The following HERC4 variants were observed in gnomAD, a reference collection of about 807,000 sequenced individuals.
HERC4 encodes the protein probable E3 ubiquitin-protein ligase HERC4.
HERC4 carries 28 observed loss-of-function variants against 124.3 expected under a neutral mutation model. That is an observed-to-expected ratio of 0.23 (90% CI 0.17 to 0.31). The LOEUF (loss-of-function observed/expected upper bound fraction) is 0.31. HERC4 is among the 10% of genes least tolerant of loss of function. The pLI is 1.00. For synonymous variants in HERC4, 407 were observed against 421.5 expected, an observed-to-expected ratio of 0.97 and a Z score of 0.42; for missense variants, 713 against 1,229.3, an observed-to-expected ratio of 0.58 and a Z score of 6.28.
At chr10:67,939,694 T>C (rs748103470) in intron 20 of HERC4, 40 bp from the exon 21 acceptor site, 3 of 1,224,226 alleles carry the variant, frequency 2.5e-6, no homozygotes, top group Non-Finnish European at 3.5e-6. Context: ...GAAAAAATTA[T>C]TGGATATTTT....
chr10:67,942,730 C>T (rs543389352), intron 19 of HERC4, among the ~76,000 whole-genome samples: 3 of 152,184 alleles, frequency 2.0e-5, no homozygotes, highest in African/African-American at 4.8e-5. Context: ...AGGCTGGTCT[C>T]GAACCCCTGA....
intron 23 of HERC4, among the ~76,000 whole-genome samples, chr10:67,926,181 GGTCAGGA>G (rs2030916975): frequency 6.6e-6 from 1 of 152,166 alleles, no homozygotes; most frequent in African/African-American, 2.4e-5. Context: ...GATCACTTGA[GGTCAGGA>G]GTTCCAGACC....
chr10:67,932,120 G>A (rs1196434288), intron 23 of HERC4, among the ~76,000 whole-genome samples: 3 of 151,786 alleles, frequency 2.0e-5, no homozygotes, highest in Non-Finnish European at 2.9e-5. Flanking sequence ...ACCACACCCA[G>A]CTAATTTTTG....
intron 5 of HERC4, among the ~76,000 whole-genome samples, chr10:68,034,430 G>A (rs773514616): frequency 3.3e-5 from 5 of 151,998 alleles, no homozygotes; most frequent in Admixed American, 6.6e-5. Flanking sequence ...CAGATGAACC[G>A]GTGAATCACA....
intron 23 of HERC4, among the ~76,000 whole-genome samples, chr10:67,926,427 A>AC (rs1414312774): frequency 6.7e-6 from 1 of 149,740 alleles, no homozygotes; most frequent in African/African-American, 2.4e-5. Context: ...AAAAAAAAAA[A>AC]AAAACAAAAA....
chr10:67,967,060 T>C lies in HERC4; in HGVS notation c.1807-258A>G, dbSNP rs10997891. On this transcript the variant is annotated intron_variant, in intron 15 of 24. Coordinates refer to ENST00000373700, the MANE Select transcript of HERC4 (RefSeq NM_015601.4). The stretch of plus-strand genomic sequence containing the variant: ...TAGTAGAGACGGAGTTTCATCGTGT[T>C]AGCCAGGATGGTCTCGATCTCCTGA... Among the ~76,000 whole-genome samples the C allele has an allele frequency of 7.2e-5, 11 of 152,300 alleles. No homozygotes were observed. In the South Asian group the frequency reaches 1.5e-3, roughly 20 times the overall value.
At chr10:67,976,637 A>G (rs1187448450) in intron 15 of HERC4, among the ~76,000 whole-genome samples, 2 of 152,080 alleles carry the variant, frequency 1.3e-5, no homozygotes, top group African/African-American at 4.8e-5. Context: ...TCAACTTCAT[A>G]TTGCTGAAAA....
chr10:68,014,171 A>G lies in HERC4; in HGVS notation c.924T>C (p.Ala308=), dbSNP rs1053202621. The part of the protein sequence containing the change: ...EIACGRQHTS[A]FVPSSGRIYS... ...AAATTCGTCCTGATGAAGGAACAAA[A>G]GCAGAAGTGTGCTGCCTAGAGTAAA... The change falls in exon 9 of 25, where the codon GCT becomes GCC. Residue 308 remains alanine (A), a synonymous_variant. Coordinates refer to ENST00000373700, the MANE Select transcript of HERC4 (RefSeq NM_015601.4). 9.3e-6 allele frequency: 15 copies of G among 1,610,984 alleles called. No individual in the cohort carries two copies. The highest frequency in any genetic ancestry group is 1.1e-5 in the Non-Finnish European group (13 of 1,178,792).
At chr10:68,044,171 T>A (rs1379246484) in intron 4 of HERC4, among the ~76,000 whole-genome samples, 1 of 150,454 alleles carries the variant, frequency 6.6e-6, no homozygotes, top group African/African-American at 2.5e-5. Context: ...TATGCTTTTT[T>A]TACAGACATA....
chr10:67,993,957 C>A lies in HERC4; in HGVS notation c.1070-1275G>T, dbSNP rs558621828. 2.6e-5 allele frequency: 4 copies of A among 152,276 alleles called. No individual in the cohort carries two copies. The East Asian group carries it at 7.7e-4, about 29-fold the overall frequency. The allele number at this position is 152,276 out of a possible 1,614,324, so 9.4% of individuals were successfully genotyped here. On this transcript the variant is annotated intron_variant, in intron 9 of 24. Coordinates refer to ENST00000373700, the MANE Select transcript of HERC4 (RefSeq NM_015601.4). ...TCCATTCTTTTCAAGGAAATGACCA[C>A]ATGTTAATTTCCTTGATTATTCCTT...
chr10:68,018,979 C>T (rs895317384), intron 8 of HERC4, among the ~76,000 whole-genome samples: 2 of 144,210 alleles, frequency 1.4e-5, no homozygotes, highest in African/African-American at 5.1e-5. Flanking sequence ...TCATCATCAG[C>T]CAAAGCATTC....
At chr10:67,977,073 G>A (rs910593644) in intron 15 of HERC4, among the ~76,000 whole-genome samples, 1 of 152,206 alleles carries the variant, frequency 6.6e-6, no homozygotes, top group Non-Finnish European at 1.5e-5. Flanking sequence ...ACCAGCTGGG[G>A]CTGTTTAGGG....
chr10:67,949,752 C>T (rs929120976), intron 19 of HERC4, among the ~76,000 whole-genome samples: 1 of 152,158 alleles, frequency 6.6e-6, no homozygotes, highest in African/African-American at 2.4e-5. Flanking sequence ...CATAGCTGGG[C>T]GCGGTGGCTC....
intron 9 of HERC4, among the ~76,000 whole-genome samples, chr10:68,002,374 T>C (rs1029909593): frequency 6.6e-6 from 1 of 152,030 alleles, no homozygotes; most frequent in African/African-American, 2.4e-5. Flanking sequence ...AAGTTTGGGA[T>C]AGTAAAAAAT....
chr10:67,966,624 CTTT>C, intron 16 of HERC4, 56 bp downstream of exon 16: 1 of 1,507,350 alleles, frequency 6.6e-7, no homozygotes, highest in Non-Finnish European at 8.9e-7. Context: ...GCAATTGTTT[CTTT>C]TTTTATTAGA....
At chr10:67,938,756 C>T (rs1373672829) in intron 21 of HERC4, among the ~76,000 whole-genome samples, 1 of 151,998 alleles carries the variant, frequency 6.6e-6, no homozygotes, top group Non-Finnish European at 1.5e-5. Flanking sequence ...CCAGCCTGGC[C>T]AAGGTGGTGA....
At chr10:67,961,438 C>T (rs2034512652) in intron 16 of HERC4, 1 of 152,336 alleles carries the variant, frequency 6.6e-6, no homozygotes, top group Non-Finnish European at 1.5e-5. Context: ...CTATTTGTCA[C>T]CTTTCATAAG....
chr10:67,980,868 C>A (rs2035889808), intron 15 of HERC4, among the ~76,000 whole-genome samples: 1 of 151,936 alleles, frequency 6.6e-6, no homozygotes, highest in Non-Finnish European at 1.5e-5. Context: ...TATCTGCAAG[C>A]CCCATGGTAA....
chr10:68,006,204 C>T (rs2037537680), intron 9 of HERC4, among the ~76,000 whole-genome samples: 1 of 151,998 alleles, frequency 6.6e-6, no homozygotes, highest in South Asian at 2.1e-4. Context: ...ATGAGTAGTG[C>T]GCACACCACA....
Sources: gnomAD v4.1 joint callset for allele counts (sites outside exome capture counted in the v4.1 genomes callset) on GRCh38, gnomAD v4.1.1 for gene constraint, MANE v1.5 for transcripts, NCBI Gene and HGNC (gene_info 2026-07-23, HGNC 2026-07-21) for gene names.